Variants in ITPRID2 observed in about 807,000 individuals in gnomAD.
ITPRID2 encodes protein ITPRID2.
In ITPRID2, 60 loss-of-function variants were observed where a neutral mutation model predicts 124.3. The ratio of observed to expected loss-of-function variants is 0.48; its 90% CI spans 0.39 to 0.60. The LOEUF (loss-of-function observed/expected upper bound fraction) is 0.60, where lower values mean the gene tolerates loss of function less well. Among genes scored for constraint, ITPRID2 ranks in the 20% least tolerant of loss-of-function variants. The pLI is 0.00. For missense variants in ITPRID2, 1,553 were observed against 1,512.2 expected (o/e 1.03, Z -0.45); for synonymous variants, 521 against 542.9 (o/e 0.96, Z 0.56).
Position 181,892,736 on chromosome 2 carries a change from C to A in ITPRID2, c.257+76C>A, listed in dbSNP as rs1691853207. Reference sequence around the variant, plus strand: ...GACGCCGGAGCAGAGCCACTCGGGCCGCGTCCCTGTGGGTCCCGCGACCGT... The same window carrying A: ...GACGCCGGAGCAGAGCCACTCGGGCAGCGTCCCTGTGGGTCCCGCGACCGT... On this transcript the variant is annotated intron_variant, in intron 2 of 17. Coordinates refer to ENST00000431877, the MANE Select transcript of ITPRID2 (RefSeq NM_001130445.3). This position sits in a 1 kb window ranked among gnomAD's most constrained non-coding sequence, Gnocchi z 5.2. 6.4e-7 allele frequency: 1 copy of A among 1,567,414 alleles called. No individual in the cohort carries two copies. The highest frequency in any genetic ancestry group is 8.8e-7 in the Non-Finnish European group (1 of 1,140,014).
At position 181,907,186 on chromosome 2, in the gene ITPRID2, C is replaced by T. The variant is rs556797277; in HGVS notation, c.1414-2713C>T. Among the ~76,000 whole-genome samples, 7 of 152,152 alleles carry T rather than the reference C, an allele frequency of 4.6e-5. No individual in the cohort carries two copies. The highest frequency in any genetic ancestry group is 8.8e-5 in the Non-Finnish European group (6 of 68,030). Reference sequence around the variant, plus strand: ...GTAGTATTGTGCCTAGAAGATCCCTCTTAGTCAAGGTAAACATGACAGCTG... The same window carrying T: ...GTAGTATTGTGCCTAGAAGATCCCTTTTAGTCAAGGTAAACATGACAGCTG... On this transcript the variant is annotated intron_variant, in intron 8 of 17. Coordinates refer to ENST00000431877, the MANE Select transcript of ITPRID2 (RefSeq NM_001130445.3). The surrounding 1 kb of genome is among the most constrained non-coding windows in gnomAD (Gnocchi z 5.1).
chr2:181,915,671 C>T lies in ITPRID2; in HGVS notation c.2031C>T (p.Ser677=), dbSNP rs1693976859. Residue 677 remains serine, a synonymous_variant, in exon 11 of 18, where the codon AGC becomes AGT. Transcript: ENST00000431877. ...ASIEAKCSDM[S]SENTTGPPSS... is the part of the protein sequence containing the mutation. ...TTGAAGCTAAATGCAGTGATATGAG[C>T]TCTGAAAATACAACTGGGCCTCCCT... The T allele has an allele frequency of 6.2e-7, 1 of 1,614,158 alleles. No homozygotes were observed. The highest frequency in any genetic ancestry group is 8.5e-7 in the Non-Finnish European group (1 of 1,180,030).
intron 11 of ITPRID2, chr2:181,917,106 T>G (rs1694123549): frequency 1.3e-6 from 1 of 773,050 alleles, no homozygotes; most frequent in Non-Finnish European, 1.6e-6. Flanking sequence ...CCAAAAAAAT[T>G]TTGAAAATAA....
intron 4 of ITPRID2, 119 bp downstream of exon 4, chr2:181,897,083 T>C (rs1692263566): frequency 1.2e-6 from 1 of 823,674 alleles, no homozygotes; most frequent in African/African-American, 1.7e-5. Flanking sequence ...TGAAAATGGC[T>C]CAGGCATATT....
rs2125104572 is a variant in ITPRID2, at chr2:181,918,844, G to C, written c.2955G>C (p.Gln985His). The change falls in exon 13 of 18, where the codon CAG (glutamine) becomes CAC (histidine). Residue 985 changes from glutamine (Q) to histidine (H), a missense_variant. Coordinates refer to ENST00000431877, the MANE Select transcript of ITPRID2 (RefSeq NM_001130445.3). The stretch of plus-strand genomic sequence containing the variant: ...ATTTAGAATTGGCAATGCTGCGTCA[G>C]CAAACCATGGTTTATCATCATATGA... ...MMDLELAMLR[Q>H]QTMVYHHMTE... 1.9e-6 allele frequency: 3 copies of C among 1,614,054 alleles called. No homozygotes were observed. In the East Asian group the frequency reaches 6.7e-5, roughly 36 times the overall value.
In ITPRID2 at chr2:181,892,466, C is replaced by A; in HGVS notation, c.212-149C>A. The A allele has an allele frequency of 2.5e-6, 3 of 1,176,808 alleles. No homozygotes were observed. The highest frequency in any genetic ancestry group is 1.4e-5 in the South Asian group (1 of 71,644). The allele number at this position is 1,176,808 out of a possible 1,614,324, so 72.9% of individuals were successfully genotyped here. ...CAGCGTCAACACAGACAACTGGGTG[C>A]CATCCGATTTCCCTGCCAAGGGACA... On this transcript the variant is annotated intron_variant, in intron 1 of 17. Coordinates refer to ENST00000431877, the MANE Select transcript of ITPRID2 (RefSeq NM_001130445.3). This position sits in a 1 kb window ranked among gnomAD's most constrained non-coding sequence, Gnocchi z 5.2.
chr2:181,924,926 TA>T (rs1173508229), intron 16 of ITPRID2, among the ~76,000 whole-genome samples: 1 of 152,242 alleles, frequency 6.6e-6, no homozygotes, highest in Non-Finnish European at 1.5e-5. Context: ...GCAGTTACTT[TA>T]AAAATGTATA....
chr2:181,904,953 A>G (rs950149523), intron 8 of ITPRID2, among the ~76,000 whole-genome samples: 4 of 152,198 alleles, frequency 2.6e-5, no homozygotes, highest in African/African-American at 7.2e-5. Flanking sequence ...CTTATGTTAG[A>G]AAAGGAAAAG....
intron 17 of ITPRID2, among the ~76,000 whole-genome samples, chr2:181,928,481 A>G (rs1008496354): frequency 3.9e-5 from 6 of 152,202 alleles, no homozygotes; most frequent in African/African-American, 1.2e-4. Flanking sequence ...TCTCCAAGGA[A>G]TTACTTATAT....
chr2:181,921,477 CA>C (rs200469189), intron 15 of ITPRID2, among the ~76,000 whole-genome samples: 32 of 138,244 alleles, frequency 2.3e-4, no homozygotes, highest in East Asian at 2.1e-4. Flanking sequence ...GACTCCATCT[CA>C]AAAAAAAAAA....
At chr2:181,901,195 T>A (rs943390836) in intron 7 of ITPRID2, among the ~76,000 whole-genome samples, 2 of 152,188 alleles carry the variant, frequency 1.3e-5, no homozygotes, top group Admixed American at 6.5e-5. Flanking sequence ...AGAAAAGAAG[T>A]AGGAGAGGAG....
intron 16 of ITPRID2, among the ~76,000 whole-genome samples, chr2:181,926,098 A>C (rs1401221379): frequency 6.6e-6 from 1 of 151,710 alleles, no homozygotes; most frequent in East Asian, 2.0e-4. Flanking sequence ...ACATGGTGAA[A>C]CCCCATCTCT....
Position 181,896,582 on chromosome 2 carries a change from A to G in ITPRID2, c.308-326A>G, listed in dbSNP as rs1692221549. 6.6e-6 allele frequency among the ~76,000 whole-genome samples: 1 copy of G among 152,000 alleles called. No homozygotes were observed. On this transcript the variant is annotated intron_variant, in intron 3 of 17. Coordinates refer to ENST00000431877, the MANE Select transcript of ITPRID2 (RefSeq NM_001130445.3). The surrounding 1 kb of genome is among the most constrained non-coding windows in gnomAD (Gnocchi z 4.3). ...CCTGACTTAATATGAGATGGATAAG[A>G]AGAATATTTGCTCCAGGATCTGGTT...
chr2:181,902,466 G>A lies in ITPRID2; in HGVS notation c.1413G>A (p.Glu471=). Residue 471 remains glutamate, a splice_region_variant and synonymous_variant, in exon 8 of 18, where the codon GAG becomes GAA. Transcript: ENST00000431877. The surrounding 1 kb of genome is among the most constrained non-coding windows in gnomAD (Gnocchi z 4.4). ...AGAAGGACTCCTTCGAAATGGAAGA[G>A]GTAGGTAAAAAATTACTGAGACTGG... The part of the protein sequence containing the change: ...TQQKDSFEME[E]VQSTEGEAPH... The A allele has an allele frequency of 1.3e-6, 2 of 1,516,688 alleles. No individual in the cohort carries two copies. The highest frequency in any genetic ancestry group is 1.8e-6 in the Non-Finnish European group (2 of 1,133,182). The allele number at this position is 1,516,688 out of a possible 1,614,324, so 94.0% of individuals were successfully genotyped here.
rs1695147215 is a variant in ITPRID2 at position 181,929,715 on chromosome 2, A to G, written c.*168A>G. On this transcript the variant is annotated 3_prime_UTR_variant, in exon 18 of 18. Transcript: ENST00000431877. The stretch of plus-strand genomic sequence containing the variant: ...TTCTTCAACCATATATTTTAAAAAG[A>G]CGTACATAGAAACTTAGGCACTTTG... 8.8e-6 allele frequency: 11 copies of G among 1,244,110 alleles called. No individual in the cohort carries two copies. The highest frequency in any genetic ancestry group is 7.8e-5 in the South Asian group (5 of 64,026). The allele number at this position is 1,244,110 out of a possible 1,614,324, so 77.1% of individuals were successfully genotyped here. A position where few individuals can be genotyped will look rare whatever the true frequency, so the allele number is the denominator to read the frequency against.
intron 10 of ITPRID2, among the ~76,000 whole-genome samples, chr2:181,914,816 C>T (rs537015424): frequency 3.6e-4 from 55 of 152,190 alleles, no homozygotes; most frequent in African/African-American, 1.3e-3. Flanking sequence ...GATCAGGAAC[C>T]CAGGTTGGAG....
chr2:181,925,723 C>T (rs1026329846), intron 16 of ITPRID2, among the ~76,000 whole-genome samples: 1 of 152,214 alleles, frequency 6.6e-6, no homozygotes, highest in African/African-American at 2.4e-5. Context: ...CCTCACCCTT[C>T]CTATTCTGAT....
chr2:181,929,674 A>G lies in ITPRID2; in HGVS notation c.*127A>G, dbSNP rs745764275. 104 of 1,546,208 alleles carry G rather than the reference A, an allele frequency of 6.7e-5. No individual in the cohort carries two copies. In the East Asian group the frequency reaches 1.0e-3, roughly 16 times the overall value. On this transcript the variant is annotated 3_prime_UTR_variant, in exon 18 of 18. Transcript: ENST00000431877. ...GCTGTTGAGCTGGGCTACTGTATAC[A>G]GTGTACAATGTGTATTTCTTCAACC...
chr2:181,906,516 G>C (rs1365887556), intron 8 of ITPRID2, among the ~76,000 whole-genome samples: 1 of 152,086 alleles, frequency 6.6e-6, no homozygotes, highest in African/African-American at 2.4e-5. Flanking sequence ...TGAGGCAGGA[G>C]GATCACTTGA....
Sources: allele counts gnomAD v4.1 joint callset (sites outside exome capture counted in the v4.1 genomes callset), GRCh38; gene constraint gnomAD v4.1.1; non-coding constraint Gnocchi (gnomAD v3.1); transcripts MANE v1.5; gene names NCBI Gene and HGNC (gene_info 2026-07-23, HGNC 2026-07-21).